CD38: variants seen among roughly 807,000 people sequenced by gnomAD.
CD38 encodes the protein CD38 molecule.
In CD38, 31 loss-of-function variants were observed where a neutral mutation model predicts 36.3. The observed-to-expected ratio is 0.85, with a 90% CI of 0.64 to 1.15. The LOEUF (loss-of-function observed/expected upper bound fraction) is 1.15. Ranked by LOEUF, CD38 falls within the 50% of genes most tolerant of loss-of-function variation. CD38 has a pLI of 0.00. For synonymous variants in CD38, 131 were observed against 135.2 expected, an observed-to-expected ratio of 0.97 and a Z score of 0.22; for missense variants, 380 against 371.9, an observed-to-expected ratio of 1.02 and a Z score of -0.18.
chr4:15,813,672 C>G, intron 1 of CD38, among the ~76,000 whole-genome samples: 1 of 152,284 alleles, frequency 6.6e-6, no homozygotes, highest in African/African-American at 2.4e-5. Context: ...CTGTTCAACT[C>G]TCACTTATGA....
chr4:15,798,723 T>C (rs1577640442), intron 1 of CD38, among the ~76,000 whole-genome samples: 1 of 152,266 alleles, frequency 6.6e-6, no homozygotes, highest in East Asian at 1.9e-4. Context: ...CTCATTGCTA[T>C]TCATCCTCGT....
intron 1 of CD38, among the ~76,000 whole-genome samples, chr4:15,812,956 C>T (rs6449194): frequency 0.22 from 34,158 of 151,902 alleles, 5,762 homozygotes; most frequent in African/African-American, 0.48. Context: ...GATTTTTGTA[C>T]ACTGATTTTG....
intron 7 of CD38, among the ~76,000 whole-genome samples, chr4:15,840,935 G>A (rs1724192431): frequency 2.6e-5 from 4 of 152,158 alleles, no homozygotes; most frequent in Non-Finnish European, 5.9e-5. Flanking sequence ...CTTGTGACTT[G>A]ACATCATTTT....
In CD38 at chr4:15,778,462, C is replaced by T; in HGVS notation, c.48C>T (p.Cys16=). ...FSPVSGDKPC[C]RLSRRAQLCL... is the part of the protein sequence containing the mutation. ...CGGTGTCCGGGGACAAACCCTGCTG[C>T]CGGCTCTCTAGGAGAGCCCAACTCT... Residue 16 remains cysteine, a synonymous_variant, in exon 1 of 8, where the codon TGC becomes TGT. Coordinates refer to ENST00000226279, the MANE Select transcript of CD38 (RefSeq NM_001775.4). This position sits in a 1 kb window ranked among gnomAD's most constrained non-coding sequence, Gnocchi z 4.9. 1 of 1,613,934 alleles carries T rather than the reference C, an allele frequency of 6.2e-7. No homozygotes were observed. Among genetic ancestry groups the T allele is most frequent in the Non-Finnish European group, 8.5e-7 (1 of 1,179,960 alleles).
At chr4:15,782,940 C>T (rs1722729946) in intron 1 of CD38, among the ~76,000 whole-genome samples, 1 of 152,196 alleles carries the variant, frequency 6.6e-6, no homozygotes. Flanking sequence ...GAGAAACTCA[C>T]TTTCTGCAAG....
intron 1 of CD38, among the ~76,000 whole-genome samples, chr4:15,787,289 G>A (rs1277075331): frequency 1.3e-5 from 2 of 152,258 alleles, no homozygotes; most frequent in East Asian, 3.9e-4. Flanking sequence ...GACCCTGAGA[G>A]AGATTAAGTA....
chr4:15,835,670 G>C (rs148231052), intron 4 of CD38, among the ~76,000 whole-genome samples: 12 of 152,050 alleles, frequency 7.9e-5, no homozygotes, highest in African/African-American at 2.7e-4. Flanking sequence ...GGGCCACCAT[G>C]CCCGGCTAAT....
chr4:15,784,525 G>A (rs3756241), intron 1 of CD38, among the ~76,000 whole-genome samples: 3 of 151,862 alleles, frequency 2.0e-5, no homozygotes, highest in African/African-American at 7.3e-5. Context: ...TCTGTCCACA[G>A]CTGGACCTTC....
chr4:15,786,128 G>C (rs775571851), intron 1 of CD38, among the ~76,000 whole-genome samples: 1 of 152,244 alleles, frequency 6.6e-6, no homozygotes, highest in East Asian at 1.9e-4. Flanking sequence ...TGGACCCAAA[G>C]AGTGAGCAGC....
intron 1 of CD38, among the ~76,000 whole-genome samples, chr4:15,789,988 G>A (rs1003544478): frequency 6.6e-5 from 10 of 152,138 alleles, no homozygotes; most frequent in African/African-American, 2.4e-4. Context: ...TTTACTGGAA[G>A]GTGTCCTCTT....
chr4:15,802,472 A>C, intron 1 of CD38, among the ~76,000 whole-genome samples: 1 of 149,414 alleles, frequency 6.7e-6, no homozygotes, highest in Non-Finnish European at 1.5e-5. Flanking sequence ...AAGACCCCAA[A>C]TAGCCAAAGC....
chr4:15,795,873 C>T (rs1214010563), intron 1 of CD38, among the ~76,000 whole-genome samples: 2 of 152,040 alleles, frequency 1.3e-5, no homozygotes, highest in South Asian at 2.1e-4. Context: ...AAATTTCCGA[C>T]GGCATATTTT....
At position 15,850,385 on chromosome 4, in the gene CD38, C is replaced by T. The variant is rs1008867356; in HGVS notation, c.*1783C>T. 6.6e-6 allele frequency: 1 copy of T among 152,196 alleles called. No homozygotes were observed. The highest frequency in any genetic ancestry group is 2.4e-5 in the African/African-American group (1 of 41,452). The allele number at this position is 152,196 out of a possible 1,614,324, so 9.4% of individuals were successfully genotyped here. ...TTGAGACTCCTTCAGGGAATGACCA[C>T]AATTTATTGAAAATAGCCTAAATGT... On this transcript the variant is annotated 3_prime_UTR_variant, in exon 8 of 8. Coordinates refer to ENST00000226279, the MANE Select transcript of CD38 (RefSeq NM_001775.4).
intron 1 of CD38, among the ~76,000 whole-genome samples, chr4:15,790,787 C>T (rs1183991977): frequency 6.7e-6 from 1 of 149,398 alleles, no homozygotes; most frequent in African/African-American, 2.5e-5. Flanking sequence ...CTCTGCCCGG[C>T]CGCCCATCGT....
At chr4:15,812,206 G>GCCC (rs1222444250) in intron 1 of CD38, among the ~76,000 whole-genome samples, 2 of 152,154 alleles carry the variant, frequency 1.3e-5, no homozygotes, top group Non-Finnish European at 2.9e-5. Flanking sequence ...TAGCATTGTA[G>GCCC]TAAGTTTTGA....
Position 15,840,452 on chromosome 4 carries a change from A to G in CD38, c.753A>G (p.Arg251=), listed in dbSNP as rs143575941. ...WVIHGGREDS[R]DLCQDPTIKE... is the part of the protein sequence containing the mutation. ...TAATACTTTCTTCTTTCTTCCCCAG[A>G]GACTTATGCCAGGATCCCACCATAA... The change falls in exon 7 of 8, where the codon AGA becomes AGG. Residue 251 remains arginine (R), a splice_region_variant and synonymous_variant. Transcript: ENST00000226279. The G allele has an allele frequency of 1.9e-6, 3 of 1,578,466 alleles. No individual in the cohort carries two copies. The highest frequency in any genetic ancestry group is 2.6e-6 in the Non-Finnish European group (3 of 1,154,494).
At chr4:15,806,851 C>G (rs187224320) in intron 1 of CD38, among the ~76,000 whole-genome samples, 1 of 152,242 alleles carries the variant, frequency 6.6e-6, no homozygotes, top group Admixed American at 6.5e-5. Flanking sequence ...GCTAACAGAT[C>G]GAGGCTTCTC....
intron 7 of CD38, among the ~76,000 whole-genome samples, chr4:15,842,065 A>T (rs1724225135): frequency 7.4e-6 from 1 of 135,280 alleles, no homozygotes; most frequent in South Asian, 2.5e-4. Context: ...ACCACAGCTC[A>T]AGGAGGCCTG....
At chr4:15,813,224 T>G (rs939224574) in intron 1 of CD38, among the ~76,000 whole-genome samples, 1 of 152,216 alleles carries the variant, frequency 6.6e-6, no homozygotes, top group African/African-American at 2.4e-5. Context: ...ATCCAGTCTT[T>G]TGCCATTATG....
Sources: gnomAD v4.1 joint callset for allele counts (sites outside exome capture counted in the v4.1 genomes callset) on GRCh38, gnomAD v4.1.1 for gene constraint, Gnocchi (gnomAD v3.1) non-coding constraint, MANE v1.5 for transcripts, NCBI Gene and HGNC (gene_info 2026-07-23, HGNC 2026-07-21) for gene names.